Variants in TM9SF4 observed in about 807,000 individuals in gnomAD.
TM9SF4 encodes transmembrane 9 superfamily member 4.
TM9SF4 carries 26 observed loss-of-function variants against 90.4 expected under a neutral mutation model. That is an observed-to-expected ratio of 0.29 (90% confidence interval 0.21 to 0.40). The LOEUF (loss-of-function observed/expected upper bound fraction) is 0.40, where lower values mean the gene tolerates loss of function less well. Ranked by LOEUF, TM9SF4 falls within the 10% of genes least tolerant of loss-of-function variation. TM9SF4 has a pLI of 1.00. For synonymous variants in TM9SF4, 293 were observed against 315.4 expected (o/e 0.93, Z 0.75); for missense variants, 549 against 834.8 (o/e 0.66, Z 4.22).
At chr20:32,126,643 G>A (rs1050464901) in intron 1 of TM9SF4, among the ~76,000 whole-genome samples, 15 of 152,074 alleles carry the variant, frequency 9.9e-5, no homozygotes, top group African/African-American at 3.4e-4. Context: ...CTCCCCACCC[G>A]CCTGAAAGCT....
At chr20:32,161,111 T>C (rs963006206) in intron 16 of TM9SF4, 165 bp from the exon 17 acceptor site, 4 of 596,488 alleles carry the variant, frequency 6.7e-6, no homozygotes, top group Non-Finnish European at 1.2e-5. Context: ...TTTTTAGAAA[T>C]GCATACAGTT....
intron 1 of TM9SF4, among the ~76,000 whole-genome samples, chr20:32,123,049 A>G (rs1460790183): frequency 1.3e-5 from 2 of 149,664 alleles, no homozygotes; most frequent in Non-Finnish European, 3.0e-5. Context: ...TGCGCCTGCA[A>G]TTGCAGGCAC....
intron 12 of TM9SF4, among the ~76,000 whole-genome samples, chr20:32,152,210 C>A (rs1283425018): frequency 1.3e-5 from 2 of 151,860 alleles, no homozygotes. Flanking sequence ...TTTTCTCTGG[C>A]CACCATATGC....
At chr20:32,126,172 TCTC>T (rs530109087) in intron 1 of TM9SF4, among the ~76,000 whole-genome samples, 112 of 151,550 alleles carry the variant, frequency 7.4e-4, no homozygotes, top group African/African-American at 2.5e-3. Flanking sequence ...AATTCCTGAG[TCTC>T]CTCACTGCAC....
At chr20:32,140,383 A>T (rs2046654699) in intron 3 of TM9SF4, among the ~76,000 whole-genome samples, 1 of 152,064 alleles carries the variant, frequency 6.6e-6, no homozygotes, top group African/African-American at 2.4e-5. Context: ...CAGGTGCTGG[A>T]TTTCACCCCA....
intron 1 of TM9SF4, among the ~76,000 whole-genome samples, chr20:32,111,223 A>G (rs893867487): frequency 1.6e-4 from 24 of 152,302 alleles, no homozygotes; most frequent in African/African-American, 5.8e-4. Flanking sequence ...AGTGGGGCAA[A>G]TCCTCAAAGT....
At chr20:32,151,606 G>A (rs1021490972) in intron 12 of TM9SF4, among the ~76,000 whole-genome samples, 25 of 152,272 alleles carry the variant, frequency 1.6e-4, no homozygotes, top group African/African-American at 4.8e-4. Flanking sequence ...GTAAGCCCTC[G>A]GTAAAGAAAA....
In TM9SF4 at chr20:32,165,501, G is replaced by C; in HGVS notation, c.*57G>C. On this transcript the variant is annotated 3_prime_UTR_variant, in exon 18 of 18. Coordinates refer to ENST00000398022, the MANE Select transcript of TM9SF4 (RefSeq NM_014742.4). ...CCTCGGACAGGAAGCCACCCTGCGT[G>C]GGGGACTGCAGGCACGCAAAATAAA... The C allele has an allele frequency of 6.3e-7, 1 of 1,595,828 alleles. No homozygotes were observed. The highest frequency in any genetic ancestry group is 1.3e-5 in the African/African-American group (1 of 74,622).
chr20:32,161,374 C>T lies in TM9SF4; in HGVS notation c.1779+9C>T. 1 of 1,613,056 alleles carries T rather than the reference C, an allele frequency of 6.2e-7. No individual in the cohort carries two copies. Among genetic ancestry groups the T allele is most frequent in the Non-Finnish European group, 8.5e-7 (1 of 1,179,248 alleles). The stretch of plus-strand genomic sequence containing the variant: ...TTTATTTCGTTAACAAGGTACTGCC[C>T]TCCTTGAGGAGGTCCTCTTAGTCCT... On this transcript the variant is annotated intron_variant, in intron 17 of 17. Transcript: ENST00000398022.
intron 1 of TM9SF4, among the ~76,000 whole-genome samples, chr20:32,112,757 A>G (rs1233058125): frequency 6.6e-6 from 1 of 151,908 alleles, no homozygotes; most frequent in Admixed American, 6.5e-5. Context: ...AAGTACGGTG[A>G]TTTAGTGTTT....
At chr20:32,164,760 G>C (rs961134822) in intron 17 of TM9SF4, among the ~76,000 whole-genome samples, 4 of 152,170 alleles carry the variant, frequency 2.6e-5, no homozygotes, top group African/African-American at 9.7e-5. Flanking sequence ...AAATAACACA[G>C]ATCCCCAGCA....
Position 32,145,351 on chromosome 20 carries a change from C to T in TM9SF4, c.811C>T (p.Leu271=), listed in dbSNP as rs1302778466. Residue 271 remains leucine (L), a synonymous_variant, in exon 8 of 18, where the codon CTG becomes TTG. Coordinates refer to ENST00000398022, the MANE Select transcript of TM9SF4 (RefSeq NM_014742.4). ...IKWASRWDTY[L]TMSDVQIHWF... is the part of the protein sequence containing the mutation. ...ATGGGCCTCTCGCTGGGACACTTAC[C>T]TGACCATGAGTGACGTCCAGATCCA... is the stretch of plus-strand genomic sequence containing the variant. The T allele has an allele frequency of 5.0e-6, 8 of 1,614,080 alleles. No individual in the cohort carries two copies. The East Asian group carries it at 6.7e-5, about 13-fold the overall frequency.
chr20:32,126,106 C>G (rs6119766), intron 1 of TM9SF4, among the ~76,000 whole-genome samples: 115 of 148,694 alleles, frequency 7.7e-4, no homozygotes, highest in East Asian at 3.0e-3. Context: ...CACACACACA[C>G]AGTAGCCAGA....
intron 12 of TM9SF4, among the ~76,000 whole-genome samples, chr20:32,154,014 G>T (rs2046881178): frequency 6.6e-6 from 1 of 152,182 alleles, no homozygotes; most frequent in African/African-American, 2.4e-5. Context: ...TTTCCTTCCA[G>T]ACTTGCGTGA....
chr20:32,167,187 AT>A lies in TM9SF4; in HGVS notation c.*1748del, dbSNP rs1462362338. 2 of 151,898 alleles carry A rather than the reference AT, an allele frequency of 1.3e-5. No individual in the cohort carries two copies. The highest frequency in any genetic ancestry group is 2.9e-5 in the Non-Finnish European group (2 of 67,982). 9.4% of individuals were successfully genotyped at this position (151,898 alleles called of 1,614,324 possible). ...GACTTTTTAAATCATTATCATTATT[AT>A]TTTTAATTAAAAAAATGCCTGTATG... On this transcript the variant is annotated 3_prime_UTR_variant, in exon 18 of 18. Coordinates refer to ENST00000398022, the MANE Select transcript of TM9SF4 (RefSeq NM_014742.4).
intron 3 of TM9SF4, chr20:32,137,083 C>T (rs2046605289): frequency 2.2e-6 from 1 of 454,416 alleles, no homozygotes; most frequent in Admixed American, 2.3e-5. Flanking sequence ...CTAATACCAA[C>T]TGTGCCGAAG....
chr20:32,126,604 G>A (rs1269685198), intron 1 of TM9SF4, among the ~76,000 whole-genome samples: 1 of 152,172 alleles, frequency 6.6e-6, no homozygotes, highest in African/African-American at 2.4e-5. Flanking sequence ...GGGACCTAGT[G>A]TTGTGATGGG....
At chr20:32,162,707 C>G (rs1220491279) in intron 17 of TM9SF4, among the ~76,000 whole-genome samples, 1 of 152,204 alleles carries the variant, frequency 6.6e-6, no homozygotes, top group Non-Finnish European at 1.5e-5. Context: ...GGTCTTGATT[C>G]ACACTGCAGT....
rs2046772180 is a variant in TM9SF4 at position 32,146,980 on chromosome 20, T to A, written c.954+125T>A. 6.8e-6 allele frequency: 6 copies of A among 877,848 alleles called. No individual in the cohort carries two copies. The East Asian group carries it at 1.7e-4, about 25-fold the overall frequency. The allele number at this position is 877,848 out of a possible 1,614,324, so 54.4% of individuals were successfully genotyped here. A position where few individuals can be genotyped will look rare whatever the true frequency, so the allele number is the denominator to read the frequency against. On this transcript the variant is annotated intron_variant, in intron 9 of 17. Coordinates refer to ENST00000398022, the MANE Select transcript of TM9SF4 (RefSeq NM_014742.4). Reference sequence around the variant, plus strand: ...CTCAAAATACTAAAACAGTTTAGTATACTTTTTTTTTTTTTTTTTGAGACG... The same window carrying A: ...CTCAAAATACTAAAACAGTTTAGTAAACTTTTTTTTTTTTTTTTTGAGACG...
Sources: allele counts gnomAD v4.1 joint callset (sites outside exome capture counted in the v4.1 genomes callset), GRCh38; gene constraint gnomAD v4.1.1; transcripts MANE v1.5; gene names NCBI Gene and HGNC (gene_info 2026-07-23, HGNC 2026-07-21).